The following MCUB variants were observed in gnomAD, a reference collection of about 807,000 sequenced individuals.
The protein encoded by MCUB is calcium uniporter regulatory subunit MCUb, mitochondrial.
In MCUB, 46 loss-of-function variants were observed where a neutral mutation model predicts 41.4. The ratio of observed to expected loss-of-function variants is 1.11; its 90% CI spans 0.88 to 1.42. MCUB has a LOEUF of 1.42. Among genes scored for constraint, MCUB ranks in the 40% most tolerant of loss-of-function variants. The probability of loss-of-function intolerance (pLI) is 0.00; values close to 1 mark genes in which losing one functional copy is unlikely to be tolerated. For missense variants in MCUB, 403 were observed against 404.9 expected (o/e 1.00, Z 0.04); for synonymous variants, 148 against 148.2 (o/e 1.00, Z 0.01).
intron 1 of MCUB, among the ~76,000 whole-genome samples, chr4:109,564,444 A>G (rs899404254): frequency 6.6e-6 from 1 of 152,146 alleles, no homozygotes; most frequent in Non-Finnish European, 1.5e-5. Context: ...GGCTGGCTAT[A>G]TGCATTTCAA....
chr4:109,588,617 C>A lies in MCUB; in HGVS notation c.99+28181C>A, dbSNP rs28538345. ...ACCCCCACCAAATTGAAGATTCCATCTGCTATTTTATCTCTTATGAAGGGT... is the reference window on the plus strand; with the variant it reads ...ACCCCCACCAAATTGAAGATTCCATATGCTATTTTATCTCTTATGAAGGGT... On this transcript the variant is annotated intron_variant, in intron 1 of 7. Transcript: ENST00000394650. Among the ~76,000 whole-genome samples, 288 of 152,302 alleles carry A rather than the reference C, an allele frequency of 1.9e-3. 4 individuals carry two copies. Among genetic ancestry groups the A allele is most frequent in the African/African-American group, 6.5e-3 (271 of 41,572 alleles).
chr4:109,572,776 T>C (rs1726944098), intron 1 of MCUB, among the ~76,000 whole-genome samples: 1 of 152,208 alleles, frequency 6.6e-6, no homozygotes, highest in South Asian at 2.1e-4. Context: ...AGATATTAGA[T>C]ATATTTTCAA....
chr4:109,652,975 A>T (rs552416912), intron 1 of MCUB, among the ~76,000 whole-genome samples: 8 of 152,332 alleles, frequency 5.3e-5, no homozygotes, highest in Admixed American at 2.0e-4. Flanking sequence ...GTGGGAGGAA[A>T]TGAAATGGCA....
chr4:109,580,943 G>A (rs555316743), intron 1 of MCUB, among the ~76,000 whole-genome samples: 1 of 152,238 alleles, frequency 6.6e-6, no homozygotes, highest in South Asian at 2.1e-4. Context: ...TCGTGAAAAT[G>A]GCCATACTGC....
intron 1 of MCUB, among the ~76,000 whole-genome samples, chr4:109,583,725 GA>G (rs1449275901): frequency 6.6e-6 from 1 of 152,102 alleles, no homozygotes; most frequent in Non-Finnish European, 1.5e-5. Context: ...TTATTATTTT[GA>G]GATACATCTC....
chr4:109,560,517 G>A (rs1726596438), intron 1 of MCUB, 81 bp downstream of exon 1: 1 of 632,352 alleles, frequency 1.6e-6, no homozygotes, highest in Non-Finnish European at 2.3e-6. Context: ...GGGAGCAAAA[G>A]CCGAGCGGCC....
In MCUB at chr4:109,616,305, T is replaced by TGG. The variant is rs974511841; in HGVS notation, c.100-42705_100-42704dup. Among the ~76,000 whole-genome samples, 223 of 152,352 alleles carry TGG rather than the reference T, an allele frequency of 1.5e-3. 1 individual carries two copies. The highest frequency in any genetic ancestry group is 5.0e-3 in the African/African-American group (209 of 41,586). The stretch of plus-strand genomic sequence containing the variant: ...ATTTTAACTGCTTTATCTTAGTAGT[T>TGG]GGACAAACTTTTATGCCTTTATTAT... On this transcript the variant is annotated intron_variant, in intron 1 of 7. Transcript: ENST00000394650.
At chr4:109,637,197 A>G (rs973254718) in intron 1 of MCUB, among the ~76,000 whole-genome samples, 1 of 152,206 alleles carries the variant, frequency 6.6e-6, no homozygotes, top group Non-Finnish European at 1.5e-5. Context: ...GGTCACTTGG[A>G]AGGAGATATG....
At chr4:109,650,118 G>T (rs776931167) in intron 1 of MCUB, among the ~76,000 whole-genome samples, 1 of 152,154 alleles carries the variant, frequency 6.6e-6, no homozygotes, top group Non-Finnish European at 1.5e-5. Flanking sequence ...TAAACTAAAA[G>T]GAAGACCTGA....
intron 1 of MCUB, among the ~76,000 whole-genome samples, chr4:109,593,729 G>A (rs182822398): frequency 5.3e-5 from 8 of 152,098 alleles, no homozygotes; most frequent in Non-Finnish European, 7.4e-5. Context: ...CTCCCACTTT[G>A]GATCTAGTCA....
At chr4:109,661,859 C>G (rs1266419766) in intron 3 of MCUB, among the ~76,000 whole-genome samples, 1 of 152,114 alleles carries the variant, frequency 6.6e-6, no homozygotes, top group Non-Finnish European at 1.5e-5. Flanking sequence ...ATAGCAAAAC[C>G]CCTTCTCTAC....
intron 1 of MCUB, among the ~76,000 whole-genome samples, chr4:109,615,105 C>T (rs1310433820): frequency 2.0e-5 from 3 of 152,192 alleles, no homozygotes; most frequent in Non-Finnish European, 4.4e-5. Context: ...CTACTCTGCA[C>T]AGCTGGCAAG....
At chr4:109,590,352 A>G (rs1258366550) in intron 1 of MCUB, among the ~76,000 whole-genome samples, 1 of 152,144 alleles carries the variant, frequency 6.6e-6, no homozygotes, top group Non-Finnish European at 1.5e-5. Flanking sequence ...TTTCTACTCC[A>G]GTTTTGAAAC....
chr4:109,653,762 A>G (rs1729016372), intron 1 of MCUB, among the ~76,000 whole-genome samples: 1 of 152,124 alleles, frequency 6.6e-6, no homozygotes, highest in Admixed American at 6.5e-5. Flanking sequence ...TTTTGTAGAG[A>G]TGGGGTTTCA....
chr4:109,628,571 T>A (rs1440807900), intron 1 of MCUB, among the ~76,000 whole-genome samples: 1 of 151,952 alleles, frequency 6.6e-6, no homozygotes, highest in Non-Finnish European at 1.5e-5. Flanking sequence ...AAGAACAAAT[T>A]TGATTGATTT....
At chr4:109,624,327 G>C (rs117439739) in intron 1 of MCUB, among the ~76,000 whole-genome samples, 2 of 152,232 alleles carry the variant, frequency 1.3e-5, no homozygotes, top group African/African-American at 4.8e-5. Flanking sequence ...TGCTCCGGCT[G>C]TTGAAGTGAA....
chr4:109,573,065 G>A (rs1164613393), intron 1 of MCUB, among the ~76,000 whole-genome samples: 1 of 152,114 alleles, frequency 6.6e-6, no homozygotes, highest in South Asian at 2.1e-4. Context: ...TAGGTCCTGT[G>A]GAATTGTCTT....
At chr4:109,579,197 G>A (rs182199710) in intron 1 of MCUB, among the ~76,000 whole-genome samples, 1 of 151,788 alleles carries the variant, frequency 6.6e-6, no homozygotes, top group Admixed American at 6.6e-5. Flanking sequence ...AAGTGTATGG[G>A]TTGATTTCTT....
At position 109,615,349 on chromosome 4, in the gene MCUB, C is replaced by A. The variant is rs1479128681; in HGVS notation, c.100-43662C>A. Among the ~76,000 whole-genome samples, 3 of 151,712 alleles carry A rather than the reference C, an allele frequency of 2.0e-5. No homozygotes were observed. In the East Asian group the frequency reaches 5.8e-4, roughly 29 times the overall value. ...AATATGGCCAACCCAAAAGAAGAGA[C>A]TTGAAGATACTGGCATTGTATAAAA... On this transcript the variant is annotated intron_variant, in intron 1 of 7. Transcript: ENST00000394650.
Sources: gnomAD v4.1 joint callset for allele counts (sites outside exome capture counted in the v4.1 genomes callset) on GRCh38, gnomAD v4.1.1 for gene constraint, MANE v1.5 for transcripts, NCBI Gene and HGNC (gene_info 2026-07-23, HGNC 2026-07-21) for gene names.